Variants in RASA2 observed in about 807,000 individuals in gnomAD.
RASA2 encodes RAS p21 protein activator 2.
Under a neutral mutation model 118.2 loss-of-function variants are expected in RASA2, and 155 were observed. That is an observed-to-expected ratio of 1.31 (90% CI 1.15 to 1.50). The LOEUF (loss-of-function observed/expected upper bound fraction) is 1.50. RASA2 is among the 40% of genes most tolerant of loss of function. RASA2 has a pLI of 0.00. For missense variants in RASA2, 1,016 were observed against 1,009.6 expected (o/e 1.01, Z -0.09); for synonymous variants, 353 against 349.1 (o/e 1.01, Z -0.12).
intron 1 of RASA2, among the ~76,000 whole-genome samples, chr3:141,499,401 T>C (rs376317905): frequency 6.6e-6 from 1 of 152,120 alleles, no homozygotes; most frequent in South Asian, 2.1e-4. Flanking sequence ...ATTGTACTTA[T>C]ATATAGTTCA....
chr3:141,555,854 A>G lies in RASA2; in HGVS notation c.626A>G (p.Lys209Arg). The G allele has an allele frequency of 1.2e-6, 2 of 1,612,508 alleles. No homozygotes were observed. The highest frequency in any genetic ancestry group is 1.7e-6 in the Non-Finnish European group (2 of 1,179,108). ...LVGPSRNDQKKTKVKKKTSNP... is the reference protein window; with the variant it reads ...LVGPSRNDQKRTKVKKKTSNP... The stretch of plus-strand genomic sequence containing the variant: ...CATTGGAACAGGAATGACCAAAAGA[A>G]GACAAAAGTAAAGAAGAAAACAAGC... Residue 209 changes from lysine (K) to arginine (R), a missense_variant, in exon 7 of 24, where the codon AAG becomes AGG. Lys to Arg is a conservative substitution (Grantham distance 26). Transcript: ENST00000286364.
chr3:141,567,071 T>C (rs2151125713), intron 9 of RASA2, among the ~76,000 whole-genome samples: 1 of 152,286 alleles, frequency 6.6e-6, no homozygotes, highest in Non-Finnish European at 1.5e-5. Flanking sequence ...TTTTAAACTT[T>C]AGAAAGGCCT....
At chr3:141,559,773 A>G (rs1332483361) in intron 8 of RASA2, 121 bp from the exon 9 acceptor site, 2 of 763,370 alleles carry the variant, frequency 2.6e-6, no homozygotes, top group African/African-American at 3.5e-5. Flanking sequence ...GGTGTTGCTA[A>G]CATCTTTTAA....
At chr3:141,605,544 A>G (rs2083534176) in intron 19 of RASA2, among the ~76,000 whole-genome samples, 1 of 152,166 alleles carries the variant, frequency 6.6e-6, no homozygotes, top group African/African-American at 2.4e-5. Flanking sequence ...TTTTCAGGGT[A>G]TGTGCATTCT....
At chr3:141,515,023 A>G (rs1280140433) in intron 2 of RASA2, among the ~76,000 whole-genome samples, 2 of 152,124 alleles carry the variant, frequency 1.3e-5, no homozygotes, top group Admixed American at 1.3e-4. Context: ...GGCATAAGAG[A>G]ACTTTCTGGG....
chr3:141,529,762 G>A lies in RASA2; in HGVS notation c.410G>A (p.Trp137Ter). The A allele has an allele frequency of 1.2e-6, 2 of 1,612,174 alleles. No homozygotes were observed. Among genetic ancestry groups the A allele is most frequent in the Non-Finnish European group, 1.7e-6 (2 of 1,178,714 alleles). Reference protein sequence around the residue: ...DLCNHSGKETWFSLQPVDSNS... With the variant: ...DLCNHSGKET The stretch of plus-strand genomic sequence containing the variant: ...TGTAATCACAGTGGCAAAGAAACTT[G>A]GTTTTCATTACAGCCTGTTGACTCC... Residue 137 changes from tryptophan to a stop codon, truncating the protein, a stop_gained, in exon 4 of 24, where the codon TGG (tryptophan) becomes TAG (stop). Coordinates refer to ENST00000286364, the MANE Select transcript of RASA2 (RefSeq NM_006506.5). LOFTEE classifies it high-confidence loss of function.
chr3:141,572,699 A>G lies in RASA2; in HGVS notation c.1260A>G (p.Val420=). The change falls in exon 12 of 24, where the codon GTA becomes GTG. Residue 420 remains valine (V), a synonymous_variant. Transcript: ENST00000286364. ...TAGTGGGAGGGCACTACCTGAAAGT[A>G]ACATTAAAACCTATTCTTGATGAGG... ...MKIVGGHYLK[V]TLKPILDEIC... is the part of the protein sequence containing the mutation. 1 of 1,610,146 alleles carries G rather than the reference A, an allele frequency of 6.2e-7. No homozygotes were observed. The highest frequency in any genetic ancestry group is 1.1e-5 in the South Asian group (1 of 90,902).
Position 141,577,070 on chromosome 3 carries a change from A to G in RASA2, c.1554A>G (p.Val518=), listed in dbSNP as rs766562556. The G allele has an allele frequency of 6.2e-7, 1 of 1,610,572 alleles. No homozygotes were observed. The highest frequency in any genetic ancestry group is 1.1e-5 in the South Asian group (1 of 90,870). The change falls in exon 15 of 24, where the codon GTA becomes GTG. Residue 518 remains valine (V), a synonymous_variant. Coordinates refer to ENST00000286364, the MANE Select transcript of RASA2 (RefSeq NM_006506.5). ...VFLRFFAVAV[V]SPHTFHLRPH... is the part of the protein sequence containing the mutation. ...TTCGTTTCTTTGCTGTAGCCGTAGT[A>G]TCACCTCATACTTTTCATTTGCGAC...
At chr3:141,490,836 T>C (rs2081631945) in intron 1 of RASA2, among the ~76,000 whole-genome samples, 1 of 152,234 alleles carries the variant, frequency 6.6e-6, no homozygotes. Flanking sequence ...ATATATAAAA[T>C]GGGGATAGTA....
Position 141,576,057 on chromosome 3 carries a change from G to T in RASA2, c.1484-943G>T, listed in dbSNP as rs192491732. On this transcript the variant is annotated intron_variant, in intron 14 of 23. Transcript: ENST00000286364. ...CTCCCAAAGTGCTGGAATTACGGGC[G>T]TGGGCCACCGCGCCCGGCCAACACT... is the stretch of plus-strand genomic sequence containing the variant. Among the ~76,000 whole-genome samples the T allele has an allele frequency of 1.6e-3, 249 of 152,284 alleles. 2 individuals carry two copies. Among genetic ancestry groups the T allele is most frequent in the African/African-American group, 5.8e-3 (239 of 41,560 alleles).
intron 19 of RASA2, among the ~76,000 whole-genome samples, chr3:141,603,104 G>A (rs985425493): frequency 5.9e-5 from 9 of 152,124 alleles, no homozygotes; most frequent in African/African-American, 1.7e-4. Flanking sequence ...ACTTATCACC[G>A]TTGGTTGTTT....
chr3:141,601,873 G>T (rs552491028), intron 19 of RASA2, among the ~76,000 whole-genome samples: 83 of 151,916 alleles, frequency 5.5e-4, no homozygotes, highest in Admixed American at 1.9e-3. Context: ...ATTCTCTTTG[G>T]TCTCCAAATC....
chr3:141,555,086 A>G (rs1230942216), intron 6 of RASA2, among the ~76,000 whole-genome samples: 2 of 151,926 alleles, frequency 1.3e-5, no homozygotes, highest in Admixed American at 6.6e-5. Flanking sequence ...ACAAGGAGAA[A>G]CCCCGTCTCT....
chr3:141,569,772 C>CT (rs1648496043), intron 9 of RASA2, among the ~76,000 whole-genome samples: 1 of 152,088 alleles, frequency 6.6e-6, no homozygotes, highest in African/African-American at 2.4e-5. Context: ...TTTTCAATCC[C>CT]TACCCCCCTA....
rs779181888 is a variant in RASA2, at chr3:141,574,004, T to C, written c.1420T>C (p.Cys474Arg). Residue 474 changes from cysteine (C) to arginine (R), a missense_variant, in exon 14 of 24, where the codon TGC (cysteine) becomes CGC (arginine). Physicochemically the swap from Cys to Arg is radical, Grantham distance 180. This residue lies in a region of RASA2 where 896 missense variants were observed against 836.4 expected (regional missense o/e 1.07). Coordinates refer to ENST00000286364, the MANE Select transcript of RASA2 (RefSeq NM_006506.5). The part of the protein sequence containing the change: ...FNTIVKSSMS[C>R]PTVMCDIFYS... ...TACAATTGTAAAATCAAGTATGAGC[T>C]GCCCCACTGTAATGTGTGATATCTT... The C allele has an allele frequency of 6.3e-7, 1 of 1,589,590 alleles. No individual in the cohort carries two copies. Among genetic ancestry groups the C allele is most frequent in the Non-Finnish European group, 8.6e-7 (1 of 1,161,840 alleles).
chr3:141,565,668 G>A (rs963762145), intron 9 of RASA2, among the ~76,000 whole-genome samples: 7 of 152,118 alleles, frequency 4.6e-5, no homozygotes, highest in African/African-American at 1.4e-4. Flanking sequence ...CCATGATTGC[G>A]AGGTCTCCCC....
Position 141,612,498 on chromosome 3 carries a change from C to G in RASA2, c.*185C>G, listed in dbSNP as rs2107806706. 9.7e-6 allele frequency: 5 copies of G among 512,860 alleles called. No individual in the cohort carries two copies. The highest frequency in any genetic ancestry group is 1.7e-5 in the Non-Finnish European group (5 of 293,378). The allele number at this position is 512,860 out of a possible 1,614,324, so 31.8% of individuals were successfully genotyped here. A position where few individuals can be genotyped will look rare whatever the true frequency, so the allele number is the denominator to read the frequency against. On this transcript the variant is annotated 3_prime_UTR_variant, in exon 24 of 24. Coordinates refer to ENST00000286364, the MANE Select transcript of RASA2 (RefSeq NM_006506.5). ...TGGGAATCCTGGTATTGATGTATTA[C>G]TAGAGAATTTAAAGCCCAAGATTCC...
chr3:141,555,266 A>T (rs1311350510), intron 6 of RASA2, among the ~76,000 whole-genome samples: 1 of 147,526 alleles, frequency 6.8e-6, no homozygotes, highest in African/African-American at 2.6e-5. Context: ...CCATCTCAAA[A>T]AACTAAAAAA....
chr3:141,493,355 C>A (rs892855050), intron 1 of RASA2, among the ~76,000 whole-genome samples: 3 of 152,116 alleles, frequency 2.0e-5, no homozygotes, highest in Non-Finnish European at 4.4e-5. Flanking sequence ...GAGATTGAAC[C>A]TGGATGTTTA....
Sources: gnomAD v4.1 joint callset for allele counts (sites outside exome capture counted in the v4.1 genomes callset) on GRCh38, gnomAD v4.1.1 for gene constraint, gnomAD v4.1.1 regional missense constraint, MANE v1.5 for transcripts, NCBI Gene and HGNC (gene_info 2026-07-23, HGNC 2026-07-21) for gene names.